The following CADM2 variants were observed in gnomAD, a reference collection of about 807,000 sequenced individuals.
CADM2 encodes the protein immunoglobulin superfamily member 4D.
In CADM2, 12 loss-of-function variants were observed where a neutral mutation model predicts 49.8. The observed-to-expected ratio is 0.24, with a 90% CI of 0.15 to 0.39. The LOEUF is 0.39. Ranked by LOEUF, CADM2 falls within the 10% of genes least tolerant of loss-of-function variation. The pLI, the probability that CADM2 is intolerant of heterozygous loss-of-function variation, is 1.00. For synonymous variants in CADM2, 214 were observed against 175.4 expected (o/e 1.22, Z -1.74); for missense variants, 378 against 492.3 (o/e 0.77, Z 2.20).
At chr3:85,107,982 G>C (rs2038311097) in intron 1 of CADM2, among the ~76,000 whole-genome samples, 1 of 152,000 alleles carries the variant, frequency 6.6e-6, no homozygotes, top group Admixed American at 6.6e-5. Flanking sequence ...GATAACAGGT[G>C]TGAGCCTGTT....
At chr3:85,147,458 A>G (rs1482180958) in intron 1 of CADM2, among the ~76,000 whole-genome samples, 1 of 152,044 alleles carries the variant, frequency 6.6e-6, no homozygotes, top group East Asian at 1.9e-4. Context: ...ACTCTTAATC[A>G]AATAATATAT....
intron 1 of CADM2, among the ~76,000 whole-genome samples, chr3:85,430,310 G>A (rs994770442): frequency 2.0e-5 from 3 of 152,024 alleles, no homozygotes; most frequent in Non-Finnish European, 4.4e-5. Context: ...TTATGATCAT[G>A]TTTCCTATTT....
chr3:85,758,731 A>T (rs1261396279), intron 2 of CADM2, among the ~76,000 whole-genome samples: 1 of 152,140 alleles, frequency 6.6e-6, no homozygotes, highest in Non-Finnish European at 1.5e-5. Flanking sequence ...CCCAAGGTGA[A>T]TCTTATTGGC....
intron 1 of CADM2, among the ~76,000 whole-genome samples, chr3:85,033,533 C>G (rs774620915): frequency 6.6e-6 from 1 of 152,104 alleles, no homozygotes; most frequent in Non-Finnish European, 1.5e-5. Context: ...CCTTGTTATT[C>G]CTTGTATTGT....
chr3:85,017,653 C>T (rs1038415948), intron 1 of CADM2, among the ~76,000 whole-genome samples: 22 of 152,036 alleles, frequency 1.4e-4, no homozygotes, highest in African/African-American at 4.6e-4. Context: ...CCTTTTTCAC[C>T]TTGCCTTGAT....
intron 1 of CADM2, among the ~76,000 whole-genome samples, chr3:85,114,833 A>G (rs145007577): frequency 1.6e-4 from 24 of 152,244 alleles, no homozygotes; most frequent in African/African-American, 5.8e-4. Flanking sequence ...AGCACTTTTT[A>G]TATGACCTTT....
chr3:84,977,927 T>C (rs2031932958), intron 1 of CADM2, among the ~76,000 whole-genome samples: 1 of 152,080 alleles, frequency 6.6e-6, no homozygotes, highest in Admixed American at 6.6e-5. Context: ...AACCTGACAT[T>C]CTGGGGGAAC....
chr3:85,506,965 G>A (rs1018358311), intron 1 of CADM2, among the ~76,000 whole-genome samples: 3 of 151,994 alleles, frequency 2.0e-5, no homozygotes, highest in African/African-American at 7.2e-5. Context: ...AAAGCACTAT[G>A]CTACAGAATA....
intron 8 of CADM2, chr3:85,979,302 T>C: frequency 6.2e-7 from 1 of 1,607,888 alleles, no homozygotes; most frequent in Non-Finnish European, 8.5e-7. Context: ...TGTTTCTTTG[T>C]TATAGCCTGG....
At chr3:85,549,948 A>G (rs2061761679) in intron 1 of CADM2, among the ~76,000 whole-genome samples, 1 of 152,106 alleles carries the variant, frequency 6.6e-6, no homozygotes. Flanking sequence ...TTAATTAAAA[A>G]TGAGCAAATA....
chr3:85,724,298 T>C (rs2067610753), intron 1 of CADM2, among the ~76,000 whole-genome samples: 2 of 151,892 alleles, frequency 1.3e-5, no homozygotes, highest in South Asian at 4.1e-4. Flanking sequence ...ACACTTTCTC[T>C]CCAAATATTT....
chr3:85,152,686 G>C (rs1359261143), intron 1 of CADM2, among the ~76,000 whole-genome samples: 1 of 152,040 alleles, frequency 6.6e-6, no homozygotes, highest in Admixed American at 6.6e-5. Context: ...GGCTGGGCAC[G>C]GTGGCTCACG....
At chr3:85,670,600 G>GA (rs1041221203) in intron 1 of CADM2, among the ~76,000 whole-genome samples, 39 of 151,942 alleles carry the variant, frequency 2.6e-4, no homozygotes, top group African/African-American at 7.0e-4. Context: ...CAACTTGCAG[G>GA]AAAAAAGCAC....
chr3:85,518,472 T>G (rs1648807867), intron 1 of CADM2, among the ~76,000 whole-genome samples: 5 of 152,140 alleles, frequency 3.3e-5, no homozygotes. Context: ...CATTTGTATT[T>G]GTTACATCAG....
At chr3:85,969,570 C>T (rs1725857953) in intron 8 of CADM2, among the ~76,000 whole-genome samples, 1 of 150,930 alleles carries the variant, frequency 6.6e-6, no homozygotes, top group South Asian at 2.1e-4. Flanking sequence ...AGACATATAT[C>T]ATTATGTGAT....
intron 1 of CADM2, among the ~76,000 whole-genome samples, chr3:85,392,620 C>A (rs1451016489): frequency 6.6e-6 from 1 of 151,970 alleles, no homozygotes; most frequent in East Asian, 1.9e-4. Context: ...AGCAGCACTC[C>A]CAGCCCCTTC....
intron 1 of CADM2, among the ~76,000 whole-genome samples, chr3:85,468,874 T>TGG (rs1279386682): frequency 6.6e-6 from 1 of 152,174 alleles, no homozygotes; most frequent in Non-Finnish European, 1.5e-5. Context: ...TGGCAGCCCC[T>TGG]GGGAGAATGT....
intron 1 of CADM2, among the ~76,000 whole-genome samples, chr3:85,544,271 A>G (rs186915938): frequency 1.2e-4 from 19 of 152,268 alleles, no homozygotes; most frequent in Non-Finnish European, 1.9e-4. Context: ...GCTTAAATAA[A>G]TTACAGATTT....
chr3:85,928,158 ATTT>A (rs11328574), intron 6 of CADM2, among the ~76,000 whole-genome samples: 12 of 130,614 alleles, frequency 9.2e-5, no homozygotes, highest in East Asian at 2.4e-4. Flanking sequence ...TAAAAGAAGA[ATTT>A]TTTTTTTTTT....
Sources: allele counts gnomAD v4.1 joint callset (sites outside exome capture counted in the v4.1 genomes callset), GRCh38; gene constraint gnomAD v4.1.1; transcripts MANE v1.5; gene names NCBI Gene and HGNC (gene_info 2026-07-23, HGNC 2026-07-21).